The following MAP3K20 variants were observed in gnomAD, a reference collection of about 807,000 sequenced individuals.
MAP3K20 encodes HCCS-4.
A neutral mutation model predicts 85.7 loss-of-function variants in MAP3K20; 40 were observed. The observed-to-expected ratio is 0.47, with a 90% confidence interval of 0.36 to 0.61. MAP3K20 has a LOEUF of 0.61. MAP3K20 is among the 20% of genes least tolerant of loss of function. The pLI, the probability that MAP3K20 is intolerant of heterozygous loss-of-function variation, is 0.00. For missense variants in MAP3K20, 817 were observed against 961.7 expected, an observed-to-expected ratio of 0.85 and a Z score of 1.99; for synonymous variants, 325 against 327.7, an observed-to-expected ratio of 0.99 and a Z score of 0.09.
intron 2 of MAP3K20, among the ~76,000 whole-genome samples, chr2:173,127,485 C>T (rs1688475743): frequency 1.3e-5 from 2 of 152,124 alleles, no homozygotes; most frequent in African/African-American, 4.8e-5. Context: ...ACAACAAGCA[C>T]GTTTTCATTT....
intron 18 of MAP3K20, among the ~76,000 whole-genome samples, chr2:173,261,651 A>T (rs1319826302): frequency 6.6e-6 from 1 of 152,190 alleles, no homozygotes; most frequent in African/African-American, 2.4e-5. Context: ...TTTATTAAGG[A>T]TCTACCATGA....
chr2:173,201,157 T>A (rs1327518180), intron 8 of MAP3K20, among the ~76,000 whole-genome samples: 1 of 152,208 alleles, frequency 6.6e-6, no homozygotes, highest in Non-Finnish European at 1.5e-5. Flanking sequence ...TATCTGAAGA[T>A]CTTTGCTTCT....
chr2:173,222,436 C>T (rs1684277462), intron 11 of MAP3K20: 1 of 985,730 alleles, frequency 1.0e-6, no homozygotes, highest in African/African-American at 1.7e-5. Flanking sequence ...TTTCATACCA[C>T]TGCTGGCCAT....
At chr2:173,259,538 C>CT (rs1352646609) in intron 17 of MAP3K20, among the ~76,000 whole-genome samples, 4 of 152,180 alleles carry the variant, frequency 2.6e-5, no homozygotes, top group African/African-American at 9.7e-5. Flanking sequence ...AATCCATTAA[C>CT]TGTAATACAC....
intron 2 of MAP3K20, among the ~76,000 whole-genome samples, chr2:173,137,945 C>T (rs559276514): frequency 2.6e-5 from 4 of 152,178 alleles, no homozygotes; most frequent in South Asian, 4.1e-4. Context: ...TGAAAAGACA[C>T]GTAGATTAAT....
intron 5 of MAP3K20, 52 bp downstream of exon 5, chr2:173,187,675 T>G: frequency 2.8e-6 from 4 of 1,451,558 alleles, no homozygotes; most frequent in South Asian, 2.5e-5. Flanking sequence ...TTACATACAC[T>G]TGCATGTAGA....
intron 8 of MAP3K20, among the ~76,000 whole-genome samples, 179 bp from the exon 9 acceptor site, chr2:173,203,617 T>C (rs953042276): frequency 2.6e-5 from 4 of 152,220 alleles, no homozygotes; most frequent in African/African-American, 9.6e-5. Context: ...TATGAGTCTT[T>C]AGAGATTACA....
intron 2 of MAP3K20, among the ~76,000 whole-genome samples, chr2:173,122,865 C>T (rs796290291): frequency 1.3e-5 from 2 of 152,296 alleles, no homozygotes; most frequent in African/African-American, 4.8e-5. Flanking sequence ...TCTGCTCTTC[C>T]TGTATCCCAC....
intron 16 of MAP3K20, among the ~76,000 whole-genome samples, chr2:173,255,679 C>T (rs1685141576): frequency 6.6e-6 from 1 of 152,184 alleles, no homozygotes. Context: ...GGAGAGCTCC[C>T]TGGTTAGGAG....
At chr2:173,206,468 C>T (rs1005612673) in intron 9 of MAP3K20, among the ~76,000 whole-genome samples, 2 of 152,182 alleles carry the variant, frequency 1.3e-5, no homozygotes, top group Non-Finnish European at 2.9e-5. Context: ...TGGTTATATA[C>T]CTGGCCACGG....
intron 2 of MAP3K20, among the ~76,000 whole-genome samples, chr2:173,105,330 T>G (rs1687753633): frequency 6.6e-6 from 1 of 152,160 alleles, no homozygotes; most frequent in Non-Finnish European, 1.5e-5. Context: ...GGCCATGGGC[T>G]GTGAAAATAA....
chr2:173,205,114 A>AT (rs1190472689), intron 9 of MAP3K20, among the ~76,000 whole-genome samples: 4 of 142,000 alleles, frequency 2.8e-5, no homozygotes, highest in East Asian at 4.3e-4. Context: ...AAAAAAAAAA[A>AT]AAAAAAAATA....
At chr2:173,223,625 C>A in intron 11 of MAP3K20, 2 of 985,348 alleles carry the variant, frequency 2.0e-6, no homozygotes, top group Non-Finnish European at 2.4e-6. Flanking sequence ...TTTTCTGTTG[C>A]TCTTTGAAAA....
intron 16 of MAP3K20, among the ~76,000 whole-genome samples, chr2:173,246,991 C>T (rs776748803): frequency 8.5e-5 from 13 of 152,140 alleles, no homozygotes; most frequent in Non-Finnish European, 1.5e-4. Flanking sequence ...ATGAGAGGAA[C>T]CTTTGGAAGA....
Position 173,266,102 on chromosome 2 carries a change from C to T in MAP3K20, c.1755C>T (p.Asn585=). ...DTLRMRQIAS[N]TSLQRSQSNP... ...TGAGGATGCGGCAGATTGCATCCAA[C>T]ACTTCTTTACAGCGTTCCCAGAGCA... Residue 585 remains asparagine (N), a synonymous_variant, in exon 20 of 20, where the codon AAC becomes AAT. Transcript: ENST00000375213. 1 of 1,606,030 alleles carries T rather than the reference C, an allele frequency of 6.2e-7. No individual in the cohort carries two copies. Among genetic ancestry groups the T allele is most frequent in the Non-Finnish European group, 8.5e-7 (1 of 1,175,986 alleles).
intron 2 of MAP3K20, among the ~76,000 whole-genome samples, chr2:173,136,619 C>T (rs1008535646): frequency 6.6e-6 from 1 of 152,172 alleles, no homozygotes; most frequent in African/African-American, 2.4e-5. Context: ...AATGTGCTCT[C>T]CGGCTTCACC....
intron 1 of MAP3K20, among the ~76,000 whole-genome samples, chr2:173,086,083 AC>A (rs1687139277): frequency 6.6e-6 from 1 of 152,112 alleles, no homozygotes; most frequent in Non-Finnish European, 1.5e-5. Flanking sequence ...GGCGTGAGCC[AC>A]CGTGCCTGGC....
rs552989252 is a variant in MAP3K20, at chr2:173,193,655, C to T, written c.582+2478C>T. 1.4e-4 allele frequency among the ~76,000 whole-genome samples: 21 copies of T among 152,270 alleles called. No homozygotes were observed. The South Asian group carries it at 4.1e-3, about 30-fold the overall frequency. On this transcript the variant is annotated intron_variant, in intron 7 of 19. Coordinates refer to ENST00000375213, the MANE Select transcript of MAP3K20 (RefSeq NM_016653.3). Reference sequence around the variant, plus strand: ...TTTTTCCTGTATCATTTTAAAATCTCTTCATACATTCCACATTGACCCCAT... The same window carrying T: ...TTTTTCCTGTATCATTTTAAAATCTTTTCATACATTCCACATTGACCCCAT...
rs76443589 is a variant in MAP3K20 at position 173,220,080 on chromosome 2, G to GAAAAAA, written c.987+2833_987+2834insAAAAAA. Among the ~76,000 whole-genome samples, 298 of 85,506 alleles carry GAAAAAA rather than the reference G, an allele frequency of 3.5e-3. 5 individuals carry two copies. The highest frequency in any genetic ancestry group is 0.014 in the African/African-American group (280 of 20,634). The allele number at this position is 85,506 out of a possible 152,430, so 56.1% of individuals were successfully genotyped here. ...TAGACTCTGTCTCAAAAAAAAAAAG[G>GAAAAAA]AAACTGATCCTGAATATTAGGTACC... On this transcript the variant is annotated intron_variant, in intron 11 of 19. Coordinates refer to ENST00000375213, the MANE Select transcript of MAP3K20 (RefSeq NM_016653.3).
Sources: allele counts gnomAD v4.1 joint callset (sites outside exome capture counted in the v4.1 genomes callset), GRCh38; gene constraint gnomAD v4.1.1; transcripts MANE v1.5; gene names NCBI Gene and HGNC (gene_info 2026-07-23, HGNC 2026-07-21).